NME9: variants seen among roughly 807,000 people sequenced by gnomAD.
NME9 encodes the protein NME/NM23 family member 9.
In NME9, 48 loss-of-function variants were observed where a neutral mutation model predicts 44.4. The ratio of observed to expected loss-of-function variants is 1.08; its 90% CI spans 0.86 to 1.37. The LOEUF (loss-of-function observed/expected upper bound fraction) is 1.37. Among genes scored for constraint, NME9 ranks in the 40% most tolerant of loss-of-function variants. The probability of loss-of-function intolerance (pLI) is 0.00; values close to 1 mark genes in which losing one functional copy is unlikely to be tolerated. For missense variants in NME9, 325 were observed against 405.2 expected, an observed-to-expected ratio of 0.80 and a Z score of 1.70; for synonymous variants, 139 against 147.1, an observed-to-expected ratio of 0.94 and a Z score of 0.40.
At position 138,319,517 on chromosome 3, in the gene NME9, C is replaced by A. The variant is rs753696610; in HGVS notation, c.156G>T (p.Met52Ile). The A allele has an allele frequency of 4.3e-6, 7 of 1,613,504 alleles. No homozygotes were observed. The African/African-American group carries it at 5.3e-5, about 12-fold the overall frequency. The change falls in exon 3 of 11, where the codon ATG becomes ATT. Residue 52 changes from methionine (M) to isoleucine (I), a missense_variant. Coordinates refer to ENST00000333911, the MANE Select transcript of NME9 (RefSeq NM_001349018.2). ...CKPVVSLFQK[M>I]RIEVGLDLLH... ...GAAGGTCCAGGCCGACCTCGATCCT[C>A]ATCTTCTGGAAGAGGCTCACCACAG... is the stretch of plus-strand genomic sequence containing the variant.
intron 8 of NME9, chr3:138,284,673 T>G: frequency 1.6e-6 from 1 of 622,660 alleles, no homozygotes; most frequent in Non-Finnish European, 2.7e-6. Context: ...TCTTCCATCC[T>G]GAAGAAAAAG....
chr3:138,271,798 C>CTTTTTTTTTTTTTTTTTTTTTT (rs776320900), intron 8 of NME9, among the ~76,000 whole-genome samples: 7 of 136,134 alleles, frequency 5.1e-5, no homozygotes, highest in African/African-American at 1.7e-4. Context: ...TTTTTTCTTT[C>CTTTTTTTTTTTTTTTTTTTTTT]TTTTTTTTTT....
At chr3:138,284,477 A>T (rs2050216490) in intron 8 of NME9, 1 of 1,613,744 alleles carries the variant, frequency 6.2e-7, no homozygotes, top group African/African-American at 1.3e-5. Flanking sequence ...ACAGCAAAAG[A>T]TCTTATTATG....
At position 138,322,824 on chromosome 3, in the gene NME9, C is replaced by CATG. The variant is rs2053557569; in HGVS notation, c.91+2048_91+2049insCAT. Among the ~76,000 whole-genome samples, 4 of 152,256 alleles carry CATG rather than the reference C, an allele frequency of 2.6e-5. No individual in the cohort carries two copies. In the South Asian group the frequency reaches 8.3e-4, roughly 32 times the overall value. On this transcript the variant is annotated intron_variant, in intron 2 of 10. Transcript: ENST00000333911. ...GCTCACTGGATGTTAGCTACTATCA[C>CATG]ATAGGGTGCTTAGCAAGGTGGCTGG...
intron 6 of NME9, among the ~76,000 whole-genome samples, chr3:138,312,294 A>G (rs1357547072): frequency 6.6e-6 from 1 of 152,230 alleles, no homozygotes; most frequent in Non-Finnish European, 1.5e-5. Context: ...GAACCACAAA[A>G]GACCCCAAAT....
chr3:138,283,984 G>T (rs931917570), intron 8 of NME9, among the ~76,000 whole-genome samples: 19 of 152,196 alleles, frequency 1.2e-4, no homozygotes, highest in African/African-American at 3.6e-4. Flanking sequence ...AGCAGGTGGA[G>T]GCCTAGGAAA....
rs547285111 is a variant in NME9, at chr3:138,315,138, A to G, written c.384+389T>C. Reference sequence around the variant, plus strand: ...ATGAGCCCTCTGAGTTCACAAGTAAAACCTTCAGGAATATGAGCCAGTGGG... The same window carrying G: ...ATGAGCCCTCTGAGTTCACAAGTAAGACCTTCAGGAATATGAGCCAGTGGG... On this transcript the variant is annotated intron_variant, in intron 5 of 10. Coordinates refer to ENST00000333911, the MANE Select transcript of NME9 (RefSeq NM_001349018.2). Among the ~76,000 whole-genome samples the G allele has an allele frequency of 3.3e-5, 5 of 152,316 alleles. No homozygotes were observed. In the East Asian group the frequency reaches 9.6e-4, roughly 29 times the overall value.
downstream of NME9, chr3:138,298,340 T>C (rs549008067): frequency 2.0e-5 from 3 of 152,358 alleles, no homozygotes; most frequent in East Asian, 5.8e-4. Flanking sequence ...ATAATATGAT[T>C]TTAACACATG....
chr3:138,288,683 G>C (rs2050658275), intron 8 of NME9, among the ~76,000 whole-genome samples: 2 of 145,398 alleles, frequency 1.4e-5, no homozygotes, highest in South Asian at 4.4e-4. Flanking sequence ...CTGTCACCCA[G>C]GCTGAGTGCA....
intron 8 of NME9, chr3:138,287,509 T>C: frequency 1.1e-5 from 4 of 372,946 alleles, no homozygotes; most frequent in South Asian, 8.2e-5. Context: ...TATTGAATGA[T>C]GAATAAACTT....
Position 138,312,636 on chromosome 3 carries a change from T to C in NME9, c.460+1696A>G, listed in dbSNP as rs566946220. 7.9e-5 allele frequency among the ~76,000 whole-genome samples: 12 copies of C among 152,352 alleles called. No individual in the cohort carries two copies. The East Asian group carries it at 2.3e-3, about 29-fold the overall frequency. On this transcript the variant is annotated intron_variant, in intron 6 of 10. Transcript: ENST00000333911. ...AGATTAAAGGCATAATTCTAAGACC[T>C]GATACTATGAAACTATCAAAAGACA...
chr3:138,263,914 A>G (rs1560010742), intron 8 of NME9: 14 of 1,209,824 alleles, frequency 1.2e-5, no homozygotes, highest in Non-Finnish European at 1.6e-5. Context: ...CAGACTACAA[A>G]TGTTCCTCAA....
chr3:138,315,242 A>C (rs2052988178), intron 5 of NME9, among the ~76,000 whole-genome samples: 1 of 152,192 alleles, frequency 6.6e-6, no homozygotes, highest in South Asian at 2.1e-4. Flanking sequence ...CCATTCTGTA[A>C]CTTGATTTTC....
At chr3:138,305,779 A>G (rs982811565) in intron 8 of NME9, among the ~76,000 whole-genome samples, 11 of 152,222 alleles carry the variant, frequency 7.2e-5, no homozygotes, top group Non-Finnish European at 1.5e-4. Flanking sequence ...TCCTTCTAAT[A>G]AATTCCTTAA....
intron 8 of NME9, among the ~76,000 whole-genome samples, chr3:138,276,446 G>A (rs376572253): frequency 1.3e-5 from 2 of 152,114 alleles, no homozygotes; most frequent in African/African-American, 2.4e-5. Flanking sequence ...GTTCAACATT[G>A]TGCTGGAATT....
chr3:138,315,259 G>A (rs1249998949), intron 5 of NME9, among the ~76,000 whole-genome samples: 1 of 152,164 alleles, frequency 6.6e-6, no homozygotes, highest in African/African-American at 2.4e-5. Flanking sequence ...TTTCATTTCT[G>A]AATTCATTGT....
intron 4 of NME9, among the ~76,000 whole-genome samples, chr3:138,316,505 C>T (rs542961247): frequency 6.6e-6 from 1 of 152,292 alleles, no homozygotes; most frequent in South Asian, 2.1e-4. Context: ...GAACTTGGGG[C>T]AAGAATTGCC....
At chr3:138,273,278 G>A (rs79293976) in intron 8 of NME9, among the ~76,000 whole-genome samples, 6,000 of 152,208 alleles carry the variant, frequency 0.039, 129 homozygotes, top group Middle Eastern at 0.075. Context: ...TGTCACCTTC[G>A]TAGGTGTTCT....
At chr3:138,286,779 A>G (rs888501548) in intron 8 of NME9, among the ~76,000 whole-genome samples, 4 of 152,136 alleles carry the variant, frequency 2.6e-5, no homozygotes, top group South Asian at 2.1e-4. Context: ...AGCTTATACT[A>G]TCATCACTGT....
Sources: gnomAD v4.1 joint callset for allele counts (sites outside exome capture counted in the v4.1 genomes callset) on GRCh38, gnomAD v4.1.1 for gene constraint, MANE v1.5 for transcripts, NCBI Gene and HGNC (gene_info 2026-07-23, HGNC 2026-07-21) for gene names.